The following SLC17A8 variants were observed in gnomAD, a reference collection of about 807,000 sequenced individuals.
SLC17A8 encodes the protein solute carrier family 17 member 8.
SLC17A8 carries 31 observed loss-of-function variants against 58.0 expected under a neutral mutation model. The observed-to-expected ratio is 0.53, with a 90% CI of 0.40 to 0.72. The LOEUF (loss-of-function observed/expected upper bound fraction) is 0.72. SLC17A8 is among the 30% of genes least tolerant of loss of function. SLC17A8 has a pLI of 0.00. For missense variants in SLC17A8, 655 were observed against 727.8 expected (o/e 0.90, Z 1.15); for synonymous variants, 228 against 249.0 (o/e 0.92, Z 0.79).
intron 1 of SLC17A8, among the ~76,000 whole-genome samples, chr12:100,363,985 T>A (rs780631686): frequency 2.7e-5 from 4 of 146,692 alleles, no homozygotes; most frequent in Non-Finnish European, 6.0e-5. Flanking sequence ...GGGGAAGAGG[T>A]TGCAGTGAGC....
At chr12:100,386,276 T>C (rs573405151) in intron 2 of SLC17A8, among the ~76,000 whole-genome samples, 28 of 152,306 alleles carry the variant, frequency 1.8e-4, no homozygotes, top group African/African-American at 6.0e-4. Flanking sequence ...GGCCATTTTT[T>C]TAAAAATTTA....
chr12:100,416,348 A>C (rs1340769642), intron 10 of SLC17A8, among the ~76,000 whole-genome samples: 1 of 152,194 alleles, frequency 6.6e-6, no homozygotes, highest in African/African-American at 2.4e-5. Flanking sequence ...ATCACATTCA[A>C]ATCCATGGTA....
chr12:100,357,966 G>T (rs1952459997), intron 1 of SLC17A8, among the ~76,000 whole-genome samples: 1 of 152,162 alleles, frequency 6.6e-6, no homozygotes, highest in Non-Finnish European at 1.5e-5. Flanking sequence ...TTTGCAAAGA[G>T]AAGGATAGTT....
intron 9 of SLC17A8, among the ~76,000 whole-genome samples, chr12:100,409,781 T>G (rs780550403): frequency 1.3e-5 from 2 of 152,290 alleles, no homozygotes; most frequent in Middle Eastern, 3.4e-3. Context: ...TGTGAAAATA[T>G]GTACAGGCAT....
intron 1 of SLC17A8, among the ~76,000 whole-genome samples, chr12:100,362,876 G>C (rs1448526847): frequency 2.0e-5 from 3 of 152,108 alleles, no homozygotes; most frequent in Non-Finnish European, 2.9e-5. Flanking sequence ...CTTCATCCCT[G>C]AGAGGTCTAA....
At chr12:100,410,637 G>A (rs917551429) in intron 9 of SLC17A8, 7 of 152,344 alleles carry the variant, frequency 4.6e-5, no homozygotes, top group Non-Finnish European at 1.0e-4. Context: ...CAGTCTGGGT[G>A]ACAGAGCACG....
intron 1 of SLC17A8, among the ~76,000 whole-genome samples, chr12:100,374,713 A>G (rs528980497): frequency 5.9e-5 from 9 of 152,302 alleles, no homozygotes; most frequent in South Asian, 2.1e-4. Flanking sequence ...TTGCCACAGC[A>G]ATATTATGCA....
intron 9 of SLC17A8, among the ~76,000 whole-genome samples, chr12:100,409,195 A>ATGTG (rs1451015647): frequency 5.5e-5 from 8 of 145,644 alleles, no homozygotes; most frequent in Non-Finnish European, 1.1e-4. Flanking sequence ...GTATGTATGT[A>ATGTG]TGTATTTAGA....
At position 100,402,429 on chromosome 12, in the gene SLC17A8, AC is replaced by A; in HGVS notation, c.855del (p.Tyr286IlefsTer2). On this transcript the variant is annotated frameshift_variant, in exon 7 of 12. Transcript: ENST00000323346. LOFTEE classifies it high-confidence loss of function. ...AHPTISNEEK[T>X]YIETSIGEGA... Reference sequence around the variant, plus strand: ...TCCAACAATATCCAATGAGGAGAAGACCTATATAGAGACAAGCATAGGAGAG... The same window carrying A: ...TCCAACAATATCCAATGAGGAGAAGACTATATAGAGACAAGCATAGGAGAG... 1 of 1,614,126 alleles carries A rather than the reference AC, an allele frequency of 6.2e-7. No homozygotes were observed. The highest frequency in any genetic ancestry group is 8.5e-7 in the Non-Finnish European group (1 of 1,180,022).
At position 100,420,612 on chromosome 12, in the gene SLC17A8, A is replaced by G. The variant is rs1952942046; in HGVS notation, c.*453A>G. 5.8e-6 allele frequency: 1 copy of G among 171,854 alleles called. No homozygotes were observed. Among genetic ancestry groups the G allele is most frequent in the Non-Finnish European group, 1.3e-5 (1 of 78,390 alleles). The allele number at this position is 171,854 out of a possible 1,614,324, so 10.6% of individuals were successfully genotyped here. A position where few individuals can be genotyped will look rare whatever the true frequency, so the allele number is the denominator to read the frequency against. ...TGGCAGGTGCTTTATAAACACTCTT[A>G]TTTAATCTCCACACCTTTATGACAC... On this transcript the variant is annotated 3_prime_UTR_variant, in exon 12 of 12. Transcript: ENST00000323346.
In SLC17A8 at chr12:100,391,119, G is replaced by A. The variant is rs1057375711; in HGVS notation, c.473G>A (p.Arg158Lys). ...ATTTCAAACAAGTTTGCTGCTAACA[G>A]GTAAGATAAATTGATATAACATGAT... is the stretch of plus-strand genomic sequence containing the variant. ...GFISNKFAANRVFGAAIFLTS... is the reference protein window; with the variant it reads ...GFISNKFAANKVFGAAIFLTS... The change falls in exon 3 of 12, where the codon AGG becomes AAG. Residue 158 changes from arginine (R) to lysine (K), a missense_variant and splice_region_variant. Arg to Lys is a conservative substitution (Grantham distance 26). Coordinates refer to ENST00000323346, the MANE Select transcript of SLC17A8 (RefSeq NM_139319.3). 1 of 1,583,992 alleles carries A rather than the reference G, an allele frequency of 6.3e-7. No homozygotes were observed. Among genetic ancestry groups the A allele is most frequent in the Non-Finnish European group, 8.7e-7 (1 of 1,152,832 alleles).
At chr12:100,382,635 T>C (rs1952645735) in intron 2 of SLC17A8, among the ~76,000 whole-genome samples, 2 of 152,190 alleles carry the variant, frequency 1.3e-5, no homozygotes, top group South Asian at 4.1e-4. Context: ...GGGAAATCAC[T>C]GCACTGCAGG....
chr12:100,389,340 G>T (rs1952697238), intron 2 of SLC17A8, among the ~76,000 whole-genome samples: 2 of 152,094 alleles, frequency 1.3e-5, no homozygotes, highest in South Asian at 4.1e-4. Context: ...AAATATTCAT[G>T]CCATTTATCC....
At chr12:100,359,697 G>C (rs1056250922) in intron 1 of SLC17A8, among the ~76,000 whole-genome samples, 9 of 152,180 alleles carry the variant, frequency 5.9e-5, no homozygotes, top group African/African-American at 2.2e-4. Flanking sequence ...TTGATCCTCA[G>C]TTCTAGTGAG....
intron 1 of SLC17A8, among the ~76,000 whole-genome samples, chr12:100,378,086 A>G (rs2135982604): frequency 6.6e-6 from 1 of 152,304 alleles, no homozygotes. Context: ...TATACATGGT[A>G]TCTAAAGCCC....
At chr12:100,357,563 A>G in intron 1 of SLC17A8, 71 bp downstream of exon 1, 1 of 1,058,706 alleles carries the variant, frequency 9.4e-7, no homozygotes, top group Non-Finnish European at 1.5e-6. Context: ...GAGACTTGGT[A>G]TCACGTTTTT....
At chr12:100,368,634 A>C (rs1952537535) in intron 1 of SLC17A8, among the ~76,000 whole-genome samples, 1 of 152,112 alleles carries the variant, frequency 6.6e-6, no homozygotes, top group Non-Finnish European at 1.5e-5. Flanking sequence ...CTGCTTCTTG[A>C]TGTAAATGTT....
chr12:100,357,694 G>A (rs746566083), intron 1 of SLC17A8, among the ~76,000 whole-genome samples: 8 of 152,136 alleles, frequency 5.3e-5, no homozygotes, highest in Non-Finnish European at 1.2e-4. Context: ...GTTGTATTAG[G>A]AAAAGATCAA....
chr12:100,415,632 G>A (rs190960270), intron 10 of SLC17A8, among the ~76,000 whole-genome samples: 3 of 152,226 alleles, frequency 2.0e-5, no homozygotes, highest in African/African-American at 4.8e-5. Context: ...GTCTCACGAT[G>A]TTGCCCAAGC....
Sources: gnomAD v4.1 joint callset for allele counts (sites outside exome capture counted in the v4.1 genomes callset) on GRCh38, gnomAD v4.1.1 for gene constraint, MANE v1.5 for transcripts, NCBI Gene and HGNC (gene_info 2026-07-23, HGNC 2026-07-21) for gene names.